The following CRPPA variants were observed in gnomAD, a reference collection of about 807,000 sequenced individuals.
The protein encoded by CRPPA is D-ribitol-5-phosphate cytidylyltransferase.
In CRPPA, 43 loss-of-function variants were observed where a neutral mutation model predicts 52.0. The ratio of observed to expected loss-of-function variants is 0.83; its 90% confidence interval spans 0.65 to 1.07. The LOEUF (loss-of-function observed/expected upper bound fraction) is 1.07. Among genes scored for constraint, CRPPA ranks in the 50% least tolerant of loss-of-function variants. The pLI, the probability that CRPPA is intolerant of heterozygous loss-of-function variation, is 0.00. For missense variants in CRPPA, 629 were observed against 551.7 expected (o/e 1.14, Z -1.40); for synonymous variants, 250 against 203.5 (o/e 1.23, Z -1.94).
At chr7:16,227,187 G>A (rs1003689865) in intron 8 of CRPPA, among the ~76,000 whole-genome samples, 3 of 151,908 alleles carry the variant, frequency 2.0e-5, no homozygotes, top group Non-Finnish European at 2.9e-5. Flanking sequence ...GAAAAATGCT[G>A]CAATGAACAT....
chr7:16,371,027 C>T (rs981918300), intron 3 of CRPPA, among the ~76,000 whole-genome samples: 3 of 152,164 alleles, frequency 2.0e-5, no homozygotes, highest in Non-Finnish European at 4.4e-5. Context: ...AACACTGGAA[C>T]AGGAGTGAGG....
At chr7:16,237,581 C>T (rs1443424725) in intron 8 of CRPPA, among the ~76,000 whole-genome samples, 2 of 152,184 alleles carry the variant, frequency 1.3e-5, no homozygotes, top group East Asian at 1.9e-4. Flanking sequence ...ATACACTAAC[C>T]TAGTCCTCAC....
chr7:16,328,464 C>T (rs1562634342), intron 3 of CRPPA, among the ~76,000 whole-genome samples: 1 of 144,446 alleles, frequency 6.9e-6, no homozygotes, highest in African/African-American at 2.5e-5. Flanking sequence ...TGGTTGCTTT[C>T]TTTAAAAGAA....
intron 1 of CRPPA, among the ~76,000 whole-genome samples, chr7:16,406,819 A>G (rs76765707): frequency 0.038 from 5,853 of 152,258 alleles, 241 homozygotes; most frequent in African/African-American, 0.098. Flanking sequence ...AAGCTGGAAA[A>G]CTTAGCTAAC....
chr7:16,275,965 T>C (rs560712897), intron 6 of CRPPA, among the ~76,000 whole-genome samples: 14 of 151,802 alleles, frequency 9.2e-5, no homozygotes, highest in African/African-American at 3.4e-4. Context: ...TGTAACCCAA[T>C]ATTTAATAAG....
intron 8 of CRPPA, among the ~76,000 whole-genome samples, chr7:16,244,652 T>G (rs1346590182): frequency 6.6e-6 from 1 of 152,202 alleles, no homozygotes; most frequent in African/African-American, 2.4e-5. Context: ...TCTGTTCTTG[T>G]AGAGTAAAAA....
At chr7:16,155,193 T>C (rs944552404) in intron 9 of CRPPA, among the ~76,000 whole-genome samples, 8 of 152,140 alleles carry the variant, frequency 5.3e-5, no homozygotes, top group Non-Finnish European at 1.0e-4. Flanking sequence ...TTATTCCTTT[T>C]ACCACAGCTG....
intron 9 of CRPPA, among the ~76,000 whole-genome samples, chr7:16,198,576 G>C (rs1034494463): frequency 8.9e-5 from 12 of 135,260 alleles, no homozygotes; most frequent in Non-Finnish European, 1.5e-5. Context: ...CTGGTTCCCC[G>C]GGTCCCCTTA....
chr7:16,110,505 T>A (rs1296402758), intron 9 of CRPPA, among the ~76,000 whole-genome samples: 1 of 152,074 alleles, frequency 6.6e-6, no homozygotes, highest in Non-Finnish European at 1.5e-5. Flanking sequence ...GGCATCACAA[T>A]ACCTGATTTC....
At chr7:16,182,038 C>A (rs1781422102) in intron 9 of CRPPA, among the ~76,000 whole-genome samples, 1 of 151,678 alleles carries the variant, frequency 6.6e-6, no homozygotes, top group African/African-American at 2.4e-5. Context: ...TATGTAATTG[C>A]TAGAAAGGTT....
intron 2 of CRPPA, among the ~76,000 whole-genome samples, chr7:16,388,567 T>G (rs1429135631): frequency 6.6e-6 from 1 of 152,118 alleles, no homozygotes; most frequent in Non-Finnish European, 1.5e-5. Flanking sequence ...AAGCCAAATA[T>G]GGTTCTCTTA....
intron 6 of CRPPA, chr7:16,270,391 A>G (rs1430557027): frequency 1.3e-5 from 2 of 152,172 alleles, no homozygotes; most frequent in East Asian, 3.8e-4. Context: ...AGAAAATAGC[A>G]TTTAAAGCAA....
chr7:16,256,406 T>C (rs1017446152), intron 8 of CRPPA, among the ~76,000 whole-genome samples: 1 of 152,178 alleles, frequency 6.6e-6, no homozygotes, highest in Non-Finnish European at 1.5e-5. Flanking sequence ...AGCAATCCCA[T>C]TACTGGGTAT....
chr7:16,119,007 C>T (rs146753482), intron 9 of CRPPA, among the ~76,000 whole-genome samples: 1 of 152,178 alleles, frequency 6.6e-6, no homozygotes, highest in Non-Finnish European at 1.5e-5. Flanking sequence ...ACAACCTCTG[C>T]CCCATTCACT....
At chr7:16,124,744 T>C (rs926998828) in intron 9 of CRPPA, among the ~76,000 whole-genome samples, 1 of 152,254 alleles carries the variant, frequency 6.6e-6, no homozygotes, top group South Asian at 2.1e-4. Context: ...AAATGATACA[T>C]GTTTGAAGTG....
intron 8 of CRPPA, among the ~76,000 whole-genome samples, chr7:16,236,610 A>G (rs1782956774): frequency 6.6e-6 from 1 of 152,130 alleles, no homozygotes; most frequent in African/African-American, 2.4e-5. Flanking sequence ...TGCAAAAGTA[A>G]TCTATTTTTA....
intron 2 of CRPPA, among the ~76,000 whole-genome samples, chr7:16,398,826 T>C (rs955088186): frequency 1.3e-5 from 2 of 152,208 alleles, no homozygotes; most frequent in African/African-American, 4.8e-5. Flanking sequence ...CCAATACGTT[T>C]GACACGTGAC....
At chr7:16,242,600 G>C (rs1038991665) in intron 8 of CRPPA, among the ~76,000 whole-genome samples, 1 of 152,136 alleles carries the variant, frequency 6.6e-6, no homozygotes, top group Non-Finnish European at 1.5e-5. Context: ...CGACAACAGA[G>C]TATAGACTAA....
At chr7:16,316,263 A>G (rs1785142168) in intron 3 of CRPPA, among the ~76,000 whole-genome samples, 1 of 152,088 alleles carries the variant, frequency 6.6e-6, no homozygotes, top group Admixed American at 6.5e-5. Flanking sequence ...TCTCTCTGGA[A>G]GGTCTCAGAA....
Sources: gnomAD v4.1 joint callset for allele counts (sites outside exome capture counted in the v4.1 genomes callset) on GRCh38, gnomAD v4.1.1 for gene constraint, MANE v1.5 for transcripts, NCBI Gene and HGNC (gene_info 2026-07-23, HGNC 2026-07-21) for gene names.